FRMD4B: variants seen among roughly 807,000 people sequenced by gnomAD.
FRMD4B encodes the protein FERM domain-containing protein 4B.
A neutral mutation model predicts 141.5 loss-of-function variants in FRMD4B; 74 were observed. The observed-to-expected ratio is 0.52, with a 90% CI of 0.43 to 0.63. FRMD4B has a LOEUF of 0.63. Among genes scored for constraint, FRMD4B ranks in the 30% least tolerant of loss-of-function variants. The pLI is 0.00. For synonymous variants in FRMD4B, 506 were observed against 467.9 expected (o/e 1.08, Z -1.05); for missense variants, 1,366 against 1,253.4 (o/e 1.09, Z -1.36).
intron 1 of FRMD4B, among the ~76,000 whole-genome samples, chr3:69,455,007 T>C (rs1705567429): frequency 6.6e-6 from 1 of 152,218 alleles, no homozygotes; most frequent in Non-Finnish European, 1.5e-5. Context: ...ACTCTAAATC[T>C]AGCTAATCTG....
chr3:69,265,272 ATATATATATATATATATATAT>A lies in FRMD4B; in HGVS notation c.502-15194_502-15174del, dbSNP rs2093555056. Among the ~76,000 whole-genome samples the A allele has an allele frequency of 9.7e-3, 157 of 16,188 alleles. 25 individuals carry two copies. The highest frequency in any genetic ancestry group is 0.04 in the African/African-American group (154 of 3,840). The allele number at this position is 16,188 out of a possible 152,430, so 10.6% of individuals were successfully genotyped here. On this transcript the variant is annotated intron_variant, in intron 5 of 22. Transcript: ENST00000398540. ...TCCATCTCAAAAAAAAAAAAAAAAT[ATATATATATATATATATATAT>A]ATATATATATATATATATATATGCA...
Position 69,193,794 on chromosome 3 carries a change from T to C in FRMD4B, c.1568A>G (p.Glu523Gly), listed in dbSNP as rs776780413. ...CTTCACAGTTTTACAAAGGTCTGGC[T>C]CATTGGCAAGTTTCTTTGCAGCTTC... ...LVEAAKKLAN[E>G]PDLCKTVKKK... Residue 523 changes from glutamate (E) to glycine (G), a missense_variant, in exon 17 of 23, where the codon GAG becomes GGG. Physicochemically the swap from Glu to Gly is moderately conservative, Grantham distance 98. Coordinates refer to ENST00000398540, the MANE Select transcript of FRMD4B (RefSeq NM_015123.3). 1.2e-5 allele frequency: 20 copies of C among 1,613,818 alleles called. No individual in the cohort carries two copies. Among genetic ancestry groups the C allele is most frequent in the Admixed American group, 1.7e-5 (1 of 60,032 alleles).
intron 2 of FRMD4B, among the ~76,000 whole-genome samples, chr3:69,428,545 GT>G (rs1705123982): frequency 6.6e-6 from 1 of 151,444 alleles, no homozygotes; most frequent in South Asian, 2.1e-4. Flanking sequence ...TTGTACTTTT[GT>G]TTTAGATCCT....
intron 11 of FRMD4B, among the ~76,000 whole-genome samples, chr3:69,212,250 C>T (rs2093089227): frequency 6.8e-6 from 1 of 147,434 alleles, no homozygotes; most frequent in Non-Finnish European, 1.5e-5. Flanking sequence ...ATCCCAGCTT[C>T]TCGGGAGGCT....
intron 1 of FRMD4B, among the ~76,000 whole-genome samples, chr3:69,363,629 TC>T (rs1245039820): frequency 6.6e-6 from 1 of 152,112 alleles, no homozygotes; most frequent in African/African-American, 2.4e-5. Context: ...GACCTCGTGA[TC>T]CGCCTGCCTT....
chr3:69,522,492 A>G (rs1700868544), intron 1 of FRMD4B, among the ~76,000 whole-genome samples: 1 of 152,158 alleles, frequency 6.6e-6, no homozygotes, highest in South Asian at 2.1e-4. Context: ...CCCATACTCC[A>G]GCAAGAGAGG....
intron 1 of FRMD4B, among the ~76,000 whole-genome samples, chr3:69,321,801 A>G (rs184696391): frequency 9.8e-4 from 149 of 151,970 alleles, no homozygotes; most frequent in Admixed American, 4.1e-3. Flanking sequence ...TGCAGTCTTG[A>G]CTTCCCCAAC....
At chr3:69,235,920 G>T (rs574393967) in intron 7 of FRMD4B, among the ~76,000 whole-genome samples, 2 of 152,296 alleles carry the variant, frequency 1.3e-5, no homozygotes, top group East Asian at 3.9e-4. Flanking sequence ...AGGAAGAGGG[G>T]ACAGGAAATA....
intron 1 of FRMD4B, among the ~76,000 whole-genome samples, chr3:69,329,516 A>ATTTTGTTTTTTTTT: frequency 1.8e-5 from 1 of 55,574 alleles, no homozygotes; most frequent in African/African-American, 5.9e-5. Context: ...TGCCCAGCTA[A>ATTTTGTTTTTTTTT]TTTTTTTTTT....
chr3:69,181,028 C>T lies in FRMD4B; in HGVS notation c.2722G>A (p.Gly908Arg). The T allele has an allele frequency of 6.2e-7, 1 of 1,613,952 alleles. No individual in the cohort carries two copies. The highest frequency in any genetic ancestry group is 8.5e-7 in the Non-Finnish European group (1 of 1,179,856). ...GGGCTGTGTCCCTGATCCTTCTGCC[C>T]AGAGGCCCGCTGGTACCAGCCACGC... ...HLRGWYQRAS[G>R]QKDQGHSPQT... Residue 908 changes from glycine to arginine, a missense_variant, in exon 21 of 23, where the codon GGG becomes AGG. Coordinates refer to ENST00000398540, the MANE Select transcript of FRMD4B (RefSeq NM_015123.3).
chr3:69,480,869 C>G (rs1033032817), intron 1 of FRMD4B, among the ~76,000 whole-genome samples: 1 of 152,216 alleles, frequency 6.6e-6, no homozygotes, highest in Non-Finnish European at 1.5e-5. Flanking sequence ...CCACCCAGTT[C>G]GAGCTTCCTG....
intron 4 of FRMD4B, among the ~76,000 whole-genome samples, chr3:69,298,792 G>A (rs995736473): frequency 1.2e-4 from 19 of 152,020 alleles, no homozygotes; most frequent in Admixed American, 1.0e-3. Context: ...ATGCAGCCCC[G>A]GCTTTGCTAA....
At chr3:69,247,547 C>T (rs375502686) in intron 7 of FRMD4B, among the ~76,000 whole-genome samples, 6 of 152,312 alleles carry the variant, frequency 3.9e-5, no homozygotes, top group Admixed American at 1.3e-4. Flanking sequence ...AGTGCAGTGG[C>T]GCGATCTTGG....
intron 1 of FRMD4B, among the ~76,000 whole-genome samples, chr3:69,372,683 A>AAAC (rs1703859949): frequency 6.6e-6 from 1 of 152,140 alleles, no homozygotes; most frequent in African/African-American, 2.4e-5. Context: ...ATAAATAAAT[A>AAAC]AACAAACAAA....
chr3:69,288,048 G>T (rs1700749454), intron 4 of FRMD4B, among the ~76,000 whole-genome samples: 1 of 152,240 alleles, frequency 6.6e-6, no homozygotes, highest in Non-Finnish European at 1.5e-5. Flanking sequence ...ATGTTTTTGT[G>T]TCTTGGAAGG....
chr3:69,203,132 G>A (rs184328983), intron 11 of FRMD4B, among the ~76,000 whole-genome samples: 202 of 150,906 alleles, frequency 1.3e-3, no homozygotes, highest in African/African-American at 4.7e-3. Context: ...TGCTGTAGAC[G>A]ATTACAGTTT....
upstream of FRMD4B, among the ~76,000 whole-genome samples, chr3:69,388,823 C>CAGTATA (rs1364409299): frequency 6.6e-6 from 1 of 152,080 alleles, no homozygotes; most frequent in Non-Finnish European, 1.5e-5. Context: ...TCAGATAAAA[C>CAGTATA]AGTATAAGTA....
intron 9 of FRMD4B, among the ~76,000 whole-genome samples, chr3:69,220,669 T>A (rs2093185202): frequency 6.6e-6 from 1 of 152,152 alleles, no homozygotes; most frequent in Non-Finnish European, 1.5e-5. Context: ...CAGGCCAACA[T>A]GGGGAAACCC....
intron 7 of FRMD4B, among the ~76,000 whole-genome samples, chr3:69,240,916 A>T (rs2093377888): frequency 6.6e-6 from 1 of 152,200 alleles, no homozygotes; most frequent in Non-Finnish European, 1.5e-5. Context: ...AGTTCATGTC[A>T]TGCTACTTTC....
Sources: allele counts gnomAD v4.1 joint callset (sites outside exome capture counted in the v4.1 genomes callset), GRCh38; gene constraint gnomAD v4.1.1; transcripts MANE v1.5; gene names NCBI Gene and HGNC (gene_info 2026-07-23, HGNC 2026-07-21).